The following COL6A5 variants were observed in gnomAD, a reference collection of about 807,000 sequenced individuals.
COL6A5 encodes collagen alpha-5(VI) chain.
In COL6A5, 48 loss-of-function variants were observed where a neutral mutation model predicts 65.6. The observed-to-expected ratio is 0.73, with a 90% CI of 0.58 to 0.93. The LOEUF (loss-of-function observed/expected upper bound fraction) is 0.93. Among genes scored for constraint, COL6A5 ranks in the 40% least tolerant of loss-of-function variants. The pLI, the probability that COL6A5 is intolerant of heterozygous loss-of-function variation, is 0.00. For missense variants in COL6A5, 914 were observed against 928.3 expected, an observed-to-expected ratio of 0.98 and a Z score of 0.20; for synonymous variants, 291 against 322.8, an observed-to-expected ratio of 0.90 and a Z score of 1.05.
Position 130,382,293 on chromosome 3 carries a change from G to A in COL6A5, c.1300+2243G>A, listed in dbSNP as rs574625800. Among the ~76,000 whole-genome samples, 6 of 152,222 alleles carry A rather than the reference G, an allele frequency of 3.9e-5. No individual in the cohort carries two copies. The East Asian group carries it at 9.7e-4, about 25-fold the overall frequency. On this transcript the variant is annotated intron_variant and NMD_transcript_variant, in intron 4 of 41. Coordinates refer to the COL6A5 transcript ENST00000312481. ...TTACATTTAAGCACATGCAGGGAAT[G>A]TAAATTTCTGGACACTCCTGGTTCA...
chr3:130,361,114 G>C (rs762364074), intron 1 of COL6A5, among the ~76,000 whole-genome samples: 10 of 151,932 alleles, frequency 6.6e-5, no homozygotes, highest in Non-Finnish European at 1.5e-4. Context: ...AAAGTCCAAA[G>C]TTTATGTTAG....
At position 130,365,487 on chromosome 3, in the gene COL6A5, C is replaced by T. The variant is rs1001134109; in HGVS notation, c.-28-8124C>T. ...AGAGACGGGGTTTCACCGTTTTAGC[C>T]GGGATGGTCTCGATCTCCTGACCTC... On this transcript the variant is annotated intron_variant and NMD_transcript_variant, in intron 1 of 41. Coordinates refer to the COL6A5 transcript ENST00000312481. 8.5e-5 allele frequency among the ~76,000 whole-genome samples: 13 copies of T among 152,234 alleles called. No homozygotes were observed. The East Asian group carries it at 2.3e-3, about 27-fold the overall frequency.
intron 4 of COL6A5, among the ~76,000 whole-genome samples, chr3:130,449,443 A>T (rs1245334424): frequency 2.0e-5 from 3 of 152,180 alleles, no homozygotes; most frequent in Non-Finnish European, 4.4e-5. Context: ...TTGGCATGAT[A>T]TAGGGCTGAA....
intron 8 of COL6A5, among the ~76,000 whole-genome samples, chr3:130,395,887 G>A (rs1229985399): frequency 1.0e-5 from 1 of 96,426 alleles, no homozygotes; most frequent in Non-Finnish European, 1.8e-5. Flanking sequence ...TAAGGGACTC[G>A]TGTGTGTGTG....
At chr3:130,357,658 C>G (rs1378920244) in intron 1 of COL6A5, among the ~76,000 whole-genome samples, 2 of 152,068 alleles carry the variant, frequency 1.3e-5, no homozygotes, top group African/African-American at 4.8e-5. Context: ...ATTAATAACT[C>G]TATTCACGAA....
At chr3:130,482,139 G>A (rs1159866971) in intron 7 of COL6A5, among the ~76,000 whole-genome samples, 1 of 152,150 alleles carries the variant, frequency 6.6e-6, no homozygotes, top group Non-Finnish European at 1.5e-5. Context: ...GTCCTGAATG[G>A]TATTGCCTAG....
chr3:130,379,156 G>C (rs1935897378), intron 3 of COL6A5, among the ~76,000 whole-genome samples: 1 of 152,060 alleles, frequency 6.6e-6, no homozygotes, highest in Non-Finnish European at 1.5e-5. Context: ...GGAGATAATA[G>C]TGGTGGTGGT....
chr3:130,406,533 C>A (rs914197115), intron 17 of COL6A5, among the ~76,000 whole-genome samples: 3 of 152,084 alleles, frequency 2.0e-5, no homozygotes, highest in Non-Finnish European at 4.4e-5. Context: ...AAAAATTTAG[C>A]ACACACAAGC....
chr3:130,473,486 G>C (rs1348544975), intron 7 of COL6A5, among the ~76,000 whole-genome samples: 1 of 152,048 alleles, frequency 6.6e-6, no homozygotes, highest in Admixed American at 6.6e-5. Flanking sequence ...GGCATCAGTT[G>C]GCAGCTAAGT....
chr3:130,384,378 ATATCT>A lies in COL6A5; in HGVS notation c.1301-422_1301-418del, dbSNP rs545921558. Among the ~76,000 whole-genome samples, 89 of 152,218 alleles carry A rather than the reference ATATCT, an allele frequency of 5.8e-4. No individual in the cohort carries two copies. In the East Asian group the frequency reaches 0.015, roughly 26 times the overall value. The stretch of plus-strand genomic sequence containing the variant: ...TAATATGATCTAAGTTTATATTTAA[ATATCT>A]TATTCTAGTTGCTCTGGGAAGAAGA... On this transcript the variant is annotated intron_variant and NMD_transcript_variant, in intron 4 of 41. Coordinates refer to the COL6A5 transcript ENST00000312481.
chr3:130,451,849 G>A (rs1709449288), intron 4 of COL6A5, among the ~76,000 whole-genome samples: 1 of 152,102 alleles, frequency 6.6e-6, no homozygotes, highest in South Asian at 2.1e-4. Context: ...TCAGAAAATT[G>A]TGGTAACTGT....
intron 4 of COL6A5, among the ~76,000 whole-genome samples, chr3:130,449,088 T>C (rs1344208477): frequency 3.3e-5 from 5 of 152,132 alleles, no homozygotes; most frequent in African/African-American, 1.2e-4. Context: ...ATTTCCAAGT[T>C]GTAAGTGTTC....
chr3:130,386,176 A>G (rs1936180020), intron 5 of COL6A5, among the ~76,000 whole-genome samples: 1 of 152,098 alleles, frequency 6.6e-6, no homozygotes, highest in African/African-American at 2.4e-5. Flanking sequence ...TAAAGAGGAA[A>G]GATGCTAGAG....
chr3:130,405,771 C>T (rs1936966585), intron 14 of COL6A5, 112 bp downstream of exon 14: 4 of 992,560 alleles, frequency 4.0e-6, no homozygotes, highest in Middle Eastern at 2.4e-4. Flanking sequence ...CTCTCTTTTC[C>T]TTTCTCCAGT....
At position 130,414,179 on chromosome 3, in the gene COL6A5, C is replaced by G. The variant is rs1168864863; in HGVS notation, c.4761+48C>G. On this transcript the variant is annotated intron_variant and NMD_transcript_variant, in intron 22 of 41. Transcript: ENST00000312481. ...TATTGATAAATGCTGTAAAGTTATT[C>G]TGATGGGAAGAAGGCAGGTATTTCT... The G allele has an allele frequency of 2.9e-6, 4 of 1,362,718 alleles. No homozygotes were observed. In the East Asian group the frequency reaches 1.0e-4, roughly 34 times the overall value. 84.4% of individuals were successfully genotyped at this position (1,362,718 alleles called of 1,614,324 possible).
At chr3:130,378,542 G>C (rs1468857099) in intron 3 of COL6A5, among the ~76,000 whole-genome samples, 1 of 152,114 alleles carries the variant, frequency 6.6e-6, no homozygotes, top group Non-Finnish European at 1.5e-5. Context: ...AGCAACTGGA[G>C]TGGTATTTAA....
At chr3:130,468,440 A>G (rs1340131499) in intron 5 of COL6A5, among the ~76,000 whole-genome samples, 2 of 152,114 alleles carry the variant, frequency 1.3e-5, no homozygotes, top group Non-Finnish European at 2.9e-5. Flanking sequence ...TTTCATGCAC[A>G]TGTGTACTTC....
chr3:130,397,812 A>G (rs1270163189), exon 9 of COL6A5: 2 of 1,551,690 alleles, frequency 1.3e-6, no homozygotes, highest in Admixed American at 2.0e-5. Flanking sequence ...ATCAGAAAGC[A>G]GTGTTTGACA....
chr3:130,351,049 G>A (rs919098372), intron 1 of COL6A5, among the ~76,000 whole-genome samples: 1 of 152,078 alleles, frequency 6.6e-6, no homozygotes, highest in African/African-American at 2.4e-5. Context: ...CCTGACAAAA[G>A]CAAGAAATGG....
Sources: allele counts gnomAD v4.1 joint callset (sites outside exome capture counted in the v4.1 genomes callset), GRCh38; gene constraint gnomAD v4.1.1; transcripts MANE v1.5; gene names NCBI Gene and HGNC (gene_info 2026-07-23, HGNC 2026-07-21).